The following BMPR1A variants were observed in gnomAD, a reference collection of about 807,000 sequenced individuals.
The protein encoded by BMPR1A is bone morphogenetic protein receptor type-1A.
In BMPR1A, 7 loss-of-function variants were observed where a neutral mutation model predicts 66.0. The ratio of observed to expected loss-of-function variants is 0.11; its 90% CI spans 0.06 to 0.20. The LOEUF (loss-of-function observed/expected upper bound fraction) is 0.20. BMPR1A is among the 10% of genes least tolerant of loss of function. The pLI, the probability that BMPR1A is intolerant of heterozygous loss-of-function variation, is 1.00. For missense variants in BMPR1A, 408 were observed against 669.1 expected (o/e 0.61, Z 4.31); for synonymous variants, 200 against 229.7 (o/e 0.87, Z 1.17).
intron 1 of BMPR1A, among the ~76,000 whole-genome samples, chr10:86,761,998 T>TA (rs1228038768): frequency 6.6e-6 from 1 of 152,170 alleles, no homozygotes; most frequent in African/African-American, 2.4e-5. Context: ...TTGGGAGTCA[T>TA]TGCTGTATAG....
chr10:86,879,957 C>G (rs1451967810), intron 3 of BMPR1A, among the ~76,000 whole-genome samples: 1 of 152,178 alleles, frequency 6.6e-6, no homozygotes, highest in Non-Finnish European at 1.5e-5. Flanking sequence ...GAGGATTTGC[C>G]TTGTCTCTGG....
chr10:86,813,341 A>G (rs1841994757), intron 1 of BMPR1A, among the ~76,000 whole-genome samples: 2 of 152,164 alleles, frequency 1.3e-5, no homozygotes, highest in African/African-American at 4.8e-5. Flanking sequence ...CACACCTGGA[A>G]TATCTCCAAG....
At position 86,838,895 on chromosome 10, in the gene BMPR1A, G is replaced by A. The variant is rs1842389262; in HGVS notation, c.-237G>A. The A allele has an allele frequency of 6.6e-6, 1 of 151,896 alleles. No individual in the cohort carries two copies. Among genetic ancestry groups the A allele is most frequent in the Non-Finnish European group, 1.5e-5 (1 of 67,984 alleles). 9.4% of individuals were successfully genotyped at this position (151,896 alleles called of 1,614,324 possible). A position where few individuals can be genotyped will look rare whatever the true frequency, so the allele number is the denominator to read the frequency against. ...TGAAAATATGCATCAGTTTAATACT[G>A]TCTTGGAATTCATGAGATGGAAGCA... On this transcript the variant is annotated 5_prime_UTR_variant, in exon 2 of 13. Transcript: ENST00000372037.
At chr10:86,915,704 G>A (rs905155094) in intron 8 of BMPR1A, among the ~76,000 whole-genome samples, 6 of 152,134 alleles carry the variant, frequency 3.9e-5, no homozygotes, top group African/African-American at 1.4e-4. Flanking sequence ...TCCAGCCTGA[G>A]CAACGGAGCG....
chr10:86,820,847 C>CT (rs1589731578), intron 1 of BMPR1A, among the ~76,000 whole-genome samples: 1 of 152,068 alleles, frequency 6.6e-6, no homozygotes, highest in Non-Finnish European at 1.5e-5. Context: ...GTTACTTGTC[C>CT]TTTTTTGCAG....
rs114224450 is a variant in BMPR1A at position 86,858,439 on chromosome 10, T to G, written c.-152-17428T>G. Among the ~76,000 whole-genome samples the G allele has an allele frequency of 5.4e-3, 817 of 152,246 alleles. 6 individuals carry two copies. The highest frequency in any genetic ancestry group is 0.018 in the African/African-American group (762 of 41,538). ...AAATGATATAGTGAAAGATGAAGACTGGAAGTCCTAGCTAGAGCAATTAGG... is the reference window on the plus strand; with the variant it reads ...AAATGATATAGTGAAAGATGAAGACGGGAAGTCCTAGCTAGAGCAATTAGG... On this transcript the variant is annotated intron_variant, in intron 2 of 12. Transcript: ENST00000372037.
At chr10:86,789,988 C>T (rs1455941500) in intron 1 of BMPR1A, among the ~76,000 whole-genome samples, 9 of 149,418 alleles carry the variant, frequency 6.0e-5, no homozygotes, top group Non-Finnish European at 1.5e-5. Flanking sequence ...AACCCCGTCT[C>T]CACTAAAAAT....
intron 1 of BMPR1A, among the ~76,000 whole-genome samples, chr10:86,773,128 C>CTT (rs1554876952): frequency 2.6e-5 from 3 of 113,236 alleles, no homozygotes; most frequent in Non-Finnish European, 1.8e-5. Context: ...TTCTAGTTAT[C>CTT]TTTTTTTTTT....
intron 1 of BMPR1A, among the ~76,000 whole-genome samples, chr10:86,804,193 C>G (rs1055375042): frequency 5.9e-5 from 9 of 152,004 alleles, no homozygotes; most frequent in Non-Finnish European, 1.0e-4. Flanking sequence ...AATATATTCA[C>G]AATTGGGACT....
At chr10:86,881,807 A>G (rs555410003) in intron 3 of BMPR1A, among the ~76,000 whole-genome samples, 1 of 152,362 alleles carries the variant, frequency 6.6e-6, no homozygotes, top group Non-Finnish European at 1.5e-5. Flanking sequence ...CTTGGAGACA[A>G]CCAGCTTATT....
chr10:86,813,996 G>A (rs954150161), intron 1 of BMPR1A, among the ~76,000 whole-genome samples: 20 of 152,104 alleles, frequency 1.3e-4, no homozygotes, highest in Non-Finnish European at 2.5e-4. Context: ...GGTATAATAT[G>A]TTGCTTTGGA....
chr10:86,880,813 A>G (rs1842976382), intron 3 of BMPR1A, among the ~76,000 whole-genome samples: 1 of 152,202 alleles, frequency 6.6e-6, no homozygotes, highest in African/African-American at 2.4e-5. Flanking sequence ...AGTTCAAAGG[A>G]TTCAGTGACC....
At chr10:86,824,524 G>A (rs974841444) in intron 1 of BMPR1A, among the ~76,000 whole-genome samples, 20 of 152,168 alleles carry the variant, frequency 1.3e-4, no homozygotes, top group African/African-American at 4.8e-4. Flanking sequence ...CGGACATGGA[G>A]CAGCGCTGTC....
At chr10:86,842,906 A>G (rs570391817) in intron 2 of BMPR1A, among the ~76,000 whole-genome samples, 31 of 152,324 alleles carry the variant, frequency 2.0e-4, no homozygotes, top group African/African-American at 5.3e-4. Context: ...CCATGATTCA[A>G]TTATTTCCCA....
chr10:86,847,606 C>T (rs892110443), intron 2 of BMPR1A, among the ~76,000 whole-genome samples: 10 of 151,916 alleles, frequency 6.6e-5, no homozygotes, highest in African/African-American at 2.2e-4. Context: ...TGCCAACACT[C>T]TGGGAGGCCA....
At chr10:86,833,524 G>C (rs1235945418) in intron 1 of BMPR1A, among the ~76,000 whole-genome samples, 1 of 152,180 alleles carries the variant, frequency 6.6e-6, no homozygotes, top group African/African-American at 2.4e-5. Flanking sequence ...GGTGGGGCTT[G>C]TGATCCCAAG....
intron 2 of BMPR1A, chr10:86,855,350 G>A (rs778170591): frequency 5.9e-4 from 505 of 848,788 alleles, no homozygotes; most frequent in Non-Finnish European, 8.1e-4. Flanking sequence ...GCCACTTCAG[G>A]ACACACCTGC....
At chr10:86,916,412 C>T (rs1843568037) in intron 8 of BMPR1A, among the ~76,000 whole-genome samples, 1 of 152,212 alleles carries the variant, frequency 6.6e-6, no homozygotes, top group Non-Finnish European at 1.5e-5. Context: ...CCTTGGCCGA[C>T]AGTTCATGCT....
At chr10:86,837,231 C>CTGTGTGTGTGTGTGTGTGTG (rs140440137) in intron 1 of BMPR1A, among the ~76,000 whole-genome samples, 13,463 of 143,464 alleles carry the variant, frequency 0.094, 818 homozygotes, top group Non-Finnish European at 0.13. Context: ...TAGAATCAGG[C>CTGTGTGTGTGTGTGTGTGTG]TGTGTGTGTG....
Sources: gnomAD v4.1 joint callset for allele counts (sites outside exome capture counted in the v4.1 genomes callset) on GRCh38, gnomAD v4.1.1 for gene constraint, MANE v1.5 for transcripts, NCBI Gene and HGNC (gene_info 2026-07-23, HGNC 2026-07-21) for gene names.